The following DYNC2H1 variants were observed in gnomAD, a reference collection of about 807,000 sequenced individuals.
DYNC2H1 encodes the protein cytoplasmic dynein 2 heavy chain 1.
In DYNC2H1, 410 loss-of-function variants were observed where a neutral mutation model predicts 570.0. The ratio of observed to expected loss-of-function variants is 0.72; its 90% confidence interval spans 0.66 to 0.78. DYNC2H1 has a LOEUF of 0.78. DYNC2H1 is among the 30% of genes least tolerant of loss of function. DYNC2H1 has a pLI of 0.00. For missense variants in DYNC2H1, 4,865 were observed against 5,046.4 expected, an observed-to-expected ratio of 0.96 and a Z score of 1.09; for synonymous variants, 1,688 against 1,677.6, an observed-to-expected ratio of 1.01 and a Z score of -0.15.
In DYNC2H1 at chr11:103,155,499, A is replaced by G. The variant is rs1304461579; in HGVS notation, c.3742A>G (p.Lys1248Glu). 1.2e-6 allele frequency: 2 copies of G among 1,605,190 alleles called. No homozygotes were observed. The highest frequency in any genetic ancestry group is 1.1e-5 in the South Asian group (1 of 88,554). The change falls in exon 25 of 89, where the codon AAA becomes GAA. Residue 1248 changes from lysine to glutamate, a missense_variant and splice_region_variant. Lys to Glu is a moderately conservative substitution (Grantham distance 56). This residue lies in a region of DYNC2H1 where 1,936 missense variants were observed against 1,962.1 expected (regional missense o/e 0.99). Transcript: ENST00000375735. ...AATTGTAGCCAAAGCTGCCGACCTT[A>G]AAGTATGAATCACTTTTATAAATAT... The part of the protein sequence containing the change: ...DTIVAKAADL[K>E]DLNSRAQGEV...
At chr11:103,233,988 C>G (rs1420423792) in intron 60 of DYNC2H1, 46 bp from the exon 61 acceptor site, 1 of 1,528,738 alleles carries the variant, frequency 6.5e-7, no homozygotes, top group Non-Finnish European at 8.8e-7. Context: ...CATTAAATCT[C>G]TCCCAAATCC....
chr11:103,304,529 T>G, intron 76 of DYNC2H1, 66 bp from the exon 77 acceptor site: 1 of 1,523,062 alleles, frequency 6.6e-7, no homozygotes, highest in South Asian at 1.3e-5. Flanking sequence ...TTGAATCTCA[T>G]ACTGTTATAT....
Position 103,113,591 on chromosome 11 carries a change from G to T in DYNC2H1, c.250G>T (p.Glu84Ter). Residue 84 changes from glutamate (E) to a stop codon, truncating the protein, a stop_gained, in exon 2 of 89, where the codon GAA (glutamate) becomes TAA (stop). Transcript: ENST00000375735. LOFTEE classifies it high-confidence loss of function. Reference protein sequence around the residue: ...KVLVFFKLRPEVITDENLHDN... With the variant: ...KVLVFFKLRP ...GCTGGTGTTTTTCAAGCTGCGACCT[G>T]AAGTAATTACTGATGAGAATCTACA... 6.3e-6 allele frequency: 10 copies of T among 1,578,866 alleles called. No homozygotes were observed. The highest frequency in any genetic ancestry group is 8.6e-6 in the Non-Finnish European group (10 of 1,167,154).
chr11:103,412,828 A>C (rs981912072), intron 84 of DYNC2H1, among the ~76,000 whole-genome samples: 3 of 152,214 alleles, frequency 2.0e-5, no homozygotes, highest in African/African-American at 7.2e-5. Context: ...ACTTTATTAT[A>C]TAATTTTGAG....
rs1362735212 is a variant in DYNC2H1 at position 103,157,960 on chromosome 11, A to T, written c.4128-717A>T. On this transcript the variant is annotated intron_variant, in intron 26 of 88. Transcript: ENST00000375735. This position sits in a 1 kb window ranked among gnomAD's most constrained non-coding sequence, Gnocchi z 4.2. ...TTCTACTCACTCACTTTTTCATTTT[A>T]TTCTTCATCTGCATATCAATTTAAA... Among the ~76,000 whole-genome samples, 1 of 152,028 alleles carries T rather than the reference A, an allele frequency of 6.6e-6. No homozygotes were observed. Among genetic ancestry groups the T allele is most frequent in the South Asian group, 2.1e-4 (1 of 4,826 alleles).
At chr11:103,397,739 A>G (rs1284695439) in intron 83 of DYNC2H1, among the ~76,000 whole-genome samples, 12 of 152,178 alleles carry the variant, frequency 7.9e-5, no homozygotes, top group Non-Finnish European at 1.5e-4. Flanking sequence ...TACAAAAAAT[A>G]CAAAAATTAG....
chr11:103,303,751 TAGACC>T (rs1867151555), intron 76 of DYNC2H1, among the ~76,000 whole-genome samples: 1 of 152,154 alleles, frequency 6.6e-6, no homozygotes, highest in African/African-American at 2.4e-5. Context: ...CCCTTGATTT[TAGACC>T]AGTGAAACTT....
rs202216852 is a variant in DYNC2H1 at position 103,358,285 on chromosome 11, G to T, written c.12082G>T (p.Gly4028Cys). Reference sequence around the variant, plus strand: ...GATTTTGGGCAGATCCATAACAGCTGGTTCCAAATTTGATAGAGAAATCTG... The same window carrying T: ...GATTTTGGGCAGATCCATAACAGCTTGTTCCAAATTTGATAGAGAAATCTG... ...LRILGRSITA[G>C]SKFDREIWSN... Residue 4028 changes from glycine (G) to cysteine (C), a missense_variant, in exon 83 of 89, where the codon GGT becomes TGT. Coordinates refer to ENST00000375735, the MANE Select transcript of DYNC2H1 (RefSeq NM_001377.3). 1,252 of 1,591,860 alleles carry T rather than the reference G, an allele frequency of 7.9e-4. 1 individual carries two copies. Among genetic ancestry groups the T allele is most frequent in the Non-Finnish European group, 1.0e-3 (1,183 of 1,167,840 alleles).
chr11:103,348,113 T>C (rs752116002), intron 82 of DYNC2H1, among the ~76,000 whole-genome samples: 11 of 152,198 alleles, frequency 7.2e-5, no homozygotes, highest in Admixed American at 2.0e-4. Context: ...CATCCAGAGC[T>C]GAAGGCAAAG....
Position 103,181,792 on chromosome 11 carries a change from CT to C in DYNC2H1, c.6385del (p.Trp2129GlyfsTer2). 1 of 1,573,750 alleles carries C rather than the reference CT, an allele frequency of 6.4e-7. No individual in the cohort carries two copies. The stretch of plus-strand genomic sequence containing the variant: ...ACAGATCTTAATTCTCTGATAAAAT[CT>C]TGGTTGAGGAATCAGCCTGCTGAAT... The part of the protein sequence containing the change: ...EETDLNSLIK[S>X]WLRNQPAEYR... On this transcript the variant is annotated frameshift_variant, in exon 40 of 89. Coordinates refer to ENST00000375735, the MANE Select transcript of DYNC2H1 (RefSeq NM_001377.3). LOFTEE classifies it high-confidence loss of function. The surrounding 1 kb of genome is among the most constrained non-coding windows in gnomAD (Gnocchi z 5.0).
At position 103,467,509 on chromosome 11, in the gene DYNC2H1, CTGTTTTGTTTTGTTTTGTTTTGTTT is replaced by C. The variant is rs6144488; in HGVS notation, c.12649-1057_12649-1033del. On this transcript the variant is annotated intron_variant, in intron 87 of 88. Transcript: ENST00000375735. Reference sequence around the variant, plus strand: ...TTTAGTATGTTAAAATTTGAAGGCACTGTTTTGTTTTGTTTTGTTTTGTTTTGTTTTGTTTTGTTTTGTTTTGAGG... The same window carrying C: ...TTTAGTATGTTAAAATTTGAAGGCACTGTTTTGTTTTGTTTTGTTTTGAGG... Among the ~76,000 whole-genome samples, 89 of 149,298 alleles carry C rather than the reference CTGTTTTGTTTTGTTTTGTTTTGTTT, an allele frequency of 6.0e-4. No homozygotes were observed. In the East Asian group the frequency reaches 9.3e-3, roughly 16 times the overall value.
intron 38 of DYNC2H1, among the ~76,000 whole-genome samples, chr11:103,178,196 T>G (rs542629740): frequency 1.3e-5 from 2 of 152,152 alleles, no homozygotes; most frequent in African/African-American, 4.8e-5. Flanking sequence ...CTCATTAGTT[T>G]GAATAAAGTA....
At chr11:103,454,944 A>T (rs994935131) in intron 85 of DYNC2H1, 1 of 421,156 alleles carries the variant, frequency 2.4e-6, no homozygotes, top group African/African-American at 2.0e-5. Flanking sequence ...TGGACTTTTT[A>T]TTTTGAGCAG....
At chr11:103,187,696 T>C (rs1423824875) in intron 43 of DYNC2H1, 110 bp downstream of exon 43, 53 of 1,351,408 alleles carry the variant, frequency 3.9e-5, no homozygotes, top group Non-Finnish European at 3.6e-5. Flanking sequence ...ATCTAGCATT[T>C]GTCATGGAAA....
In DYNC2H1 at chr11:103,221,967, AT is replaced by A. The variant is rs958422472; in HGVS notation, c.9108-55del. ...TTGCATACACCATTTTGTTAAACTGATTTTTTTTCAGAAACAGCAAATTTTA... is the reference window on the plus strand; with the variant it reads ...TTGCATACACCATTTTGTTAAACTGATTTTTTTCAGAAACAGCAAATTTTA... On this transcript the variant is annotated intron_variant, in intron 57 of 88. Transcript: ENST00000375735. 1.8e-5 allele frequency: 28 copies of A among 1,563,434 alleles called. 2 individuals carry two copies. The Admixed American group carries it at 3.7e-4, about 21-fold the overall frequency.
chr11:103,187,198 A>AT lies in DYNC2H1; in HGVS notation c.6894-141dup, dbSNP rs1247596804. 9 of 1,160,386 alleles carry AT rather than the reference A, an allele frequency of 7.8e-6. No homozygotes were observed. The East Asian group carries it at 2.3e-4, about 30-fold the overall frequency. 71.9% of individuals were successfully genotyped at this position (1,160,386 alleles called of 1,614,324 possible). ...AGTTGCTTTGATAGTTATGGAAGCC[A>AT]TATCTGTATTTACCATTTTTCCTAT... On this transcript the variant is annotated intron_variant, in intron 42 of 88. Coordinates refer to ENST00000375735, the MANE Select transcript of DYNC2H1 (RefSeq NM_001377.3).
chr11:103,285,639 G>A (rs902218388), intron 73 of DYNC2H1, among the ~76,000 whole-genome samples: 1 of 151,720 alleles, frequency 6.6e-6, no homozygotes, highest in African/African-American at 2.4e-5. Flanking sequence ...TGGCCAGGCT[G>A]GTGTCAAACT....
Position 103,113,755 on chromosome 11 carries a change from T to A in DYNC2H1, c.366+48T>A, listed in dbSNP as rs754831505. 2.9e-6 allele frequency: 4 copies of A among 1,362,846 alleles called. No individual in the cohort carries two copies. In the South Asian group the frequency reaches 6.5e-5, roughly 22 times the overall value. The allele number at this position is 1,362,846 out of a possible 1,614,324, so 84.4% of individuals were successfully genotyped here. A position where few individuals can be genotyped will look rare whatever the true frequency, so the allele number is the denominator to read the frequency against. On this transcript the variant is annotated intron_variant, in intron 2 of 88. Transcript: ENST00000375735. ...TTTTTAACTGAGGTATTTGGATAAA[T>A]GTTTTCATATAAACATAAATATCTA...
chr11:103,204,376 T>C lies in DYNC2H1; in HGVS notation c.8312-446T>C, dbSNP rs1862841341. Reference sequence around the variant, plus strand: ...GAAAGTATGGTAATGTTCTTTGGAATATTTACCTTGCCTCCTTTGTTTCAT... The same window carrying C: ...GAAAGTATGGTAATGTTCTTTGGAACATTTACCTTGCCTCCTTTGTTTCAT... On this transcript the variant is annotated intron_variant, in intron 51 of 88. Coordinates refer to ENST00000375735, the MANE Select transcript of DYNC2H1 (RefSeq NM_001377.3). This position sits in a 1 kb window ranked among gnomAD's most constrained non-coding sequence, Gnocchi z 4.1. Among the ~76,000 whole-genome samples, 1 of 152,172 alleles carries C rather than the reference T, an allele frequency of 6.6e-6. No homozygotes were observed. The highest frequency in any genetic ancestry group is 1.5e-5 in the Non-Finnish European group (1 of 68,030).
Sources: gnomAD v4.1 joint callset for allele counts (sites outside exome capture counted in the v4.1 genomes callset) on GRCh38, gnomAD v4.1.1 for gene constraint, gnomAD v4.1.1 regional missense constraint, Gnocchi (gnomAD v3.1) non-coding constraint, MANE v1.5 for transcripts, NCBI Gene and HGNC (gene_info 2026-07-23, HGNC 2026-07-21) for gene names.